TIAM1: variants seen among roughly 807,000 people sequenced by gnomAD.
TIAM1 encodes the protein rho guanine nucleotide exchange factor TIAM1.
A neutral mutation model predicts 163.5 loss-of-function variants in TIAM1; 65 were observed. The observed-to-expected ratio is 0.40, with a 90% CI of 0.33 to 0.49. TIAM1 has a LOEUF of 0.49. Ranked by LOEUF, TIAM1 falls within the 20% of genes least tolerant of loss-of-function variation. The pLI is 0.77. For missense variants in TIAM1, 1,789 were observed against 2,044.7 expected (o/e 0.87, Z 2.41); for synonymous variants, 833 against 810.1 (o/e 1.03, Z -0.48).
At chr21:31,350,990 G>A (rs976994378) in intron 2 of TIAM1, among the ~76,000 whole-genome samples, 26 of 152,172 alleles carry the variant, frequency 1.7e-4, no homozygotes, top group African/African-American at 5.3e-4. Context: ...CTAGGGAAAC[G>A]TGTTGATGAG....
intron 2 of TIAM1, among the ~76,000 whole-genome samples, chr21:31,299,770 A>C (rs757712489): frequency 8.5e-5 from 13 of 152,162 alleles, no homozygotes; most frequent in Non-Finnish European, 4.4e-5. Flanking sequence ...TGACAGTGGA[A>C]AGTCATTTCA....
chr21:31,207,792 G>A (rs1053268456), intron 11 of TIAM1, among the ~76,000 whole-genome samples: 5 of 152,192 alleles, frequency 3.3e-5, no homozygotes, highest in African/African-American at 7.2e-5. Context: ...GTTTTGCCAT[G>A]TTGGCCAGGC....
At chr21:31,453,952 A>T (rs114949406) in intron 2 of TIAM1, among the ~76,000 whole-genome samples, 2,725 of 152,116 alleles carry the variant, frequency 0.018, 78 homozygotes, top group African/African-American at 0.062. Flanking sequence ...ACGAGCTGTT[A>T]TTACCTCTTC....
chr21:31,306,988 A>G (rs1462743059), intron 2 of TIAM1, among the ~76,000 whole-genome samples: 2 of 152,184 alleles, frequency 1.3e-5, no homozygotes, highest in Non-Finnish European at 2.9e-5. Context: ...TGATTTAGAG[A>G]AAATAAAATT....
intron 2 of TIAM1, among the ~76,000 whole-genome samples, chr21:31,402,387 G>C (rs1332827504): frequency 6.6e-6 from 1 of 152,136 alleles, no homozygotes; most frequent in Non-Finnish European, 1.5e-5. Flanking sequence ...CAGTCTGCAA[G>C]TAGGAACAAG....
intron 2 of TIAM1, chr21:31,453,174 T>TA: frequency 3.7e-6 from 1 of 269,626 alleles, no homozygotes. Context: ...ACAGTGGTGT[T>TA]ACGGCGGTGG....
intron 2 of TIAM1, among the ~76,000 whole-genome samples, chr21:31,305,361 C>A (rs575733367): frequency 2.0e-5 from 3 of 150,532 alleles, no homozygotes; most frequent in Admixed American, 6.6e-5. Context: ...CAGGACTCAG[C>A]AGCAAGGGGG....
At chr21:31,277,245 C>A (rs549101412) in intron 2 of TIAM1, among the ~76,000 whole-genome samples, 10 of 152,314 alleles carry the variant, frequency 6.6e-5, no homozygotes, top group African/African-American at 2.2e-4. Context: ...AAACCAAGAT[C>A]GTGACAAGAG....
rs144630314 is a variant in TIAM1 at position 31,201,864 on chromosome 21, C to T, written c.2493+1044G>A. Among the ~76,000 whole-genome samples the T allele has an allele frequency of 2.7e-3, 410 of 152,266 alleles. 4 individuals are homozygous for T. Among genetic ancestry groups the T allele is most frequent in the African/African-American group, 9.7e-3 (401 of 41,540 alleles). ...GTTTCTTTCCTGGAACTGACAAACG[C>T]ACCACTTTGCTAAAGAGCAAAGAGC... On this transcript the variant is annotated intron_variant, in intron 12 of 27. Transcript: ENST00000541036.
intron 2 of TIAM1, among the ~76,000 whole-genome samples, chr21:31,402,536 C>T (rs117778057): frequency 0.014 from 2,115 of 152,290 alleles, 53 homozygotes; most frequent in Non-Finnish European, 0.014. Flanking sequence ...TTTCCCATAT[C>T]CCTTCAGTAA....
At chr21:31,407,629 ATTTTT>A (rs562921160) in intron 2 of TIAM1, among the ~76,000 whole-genome samples, 99 of 94,088 alleles carry the variant, frequency 1.1e-3, no homozygotes, top group African/African-American at 1.4e-3. Context: ...TTTGCTCTTA[ATTTTT>A]TTTTTTTTTT....
intron 1 of TIAM1, among the ~76,000 whole-genome samples, chr21:31,543,429 G>C (rs1425813851): frequency 6.6e-6 from 1 of 152,188 alleles, no homozygotes; most frequent in African/African-American, 2.4e-5. Flanking sequence ...AGATGAATGT[G>C]GCTGAGACCT....
At chr21:31,145,548 T>C (rs1227328859) in intron 20 of TIAM1, among the ~76,000 whole-genome samples, 10 of 152,222 alleles carry the variant, frequency 6.6e-5, no homozygotes, top group Admixed American at 6.5e-4. Context: ...TGCTGAACTA[T>C]GGCGACATAA....
chr21:31,201,953 T>A (rs1569016498), intron 12 of TIAM1, among the ~76,000 whole-genome samples: 1 of 152,214 alleles, frequency 6.6e-6, no homozygotes. Flanking sequence ...TTATCTCTAA[T>A]CTTTGTAAAA....
intron 2 of TIAM1, among the ~76,000 whole-genome samples, chr21:31,425,556 C>T (rs1301192526): frequency 2.0e-5 from 3 of 151,048 alleles, no homozygotes; most frequent in South Asian, 2.1e-4. Context: ...TTCTAACAAA[C>T]TCCTACATGA....
intron 1 of TIAM1, among the ~76,000 whole-genome samples, chr21:31,530,013 C>T (rs951285440): frequency 1.3e-5 from 2 of 152,148 alleles, no homozygotes; most frequent in Non-Finnish European, 2.9e-5. Flanking sequence ...TCTACTAACA[C>T]GTTGGAAGGC....
At chr21:31,470,659 T>A (rs562850310) in intron 1 of TIAM1, among the ~76,000 whole-genome samples, 1 of 152,252 alleles carries the variant, frequency 6.6e-6, no homozygotes, top group South Asian at 2.1e-4. Context: ...TACACAAAAT[T>A]GTGTGTATGT....
intron 22 of TIAM1, among the ~76,000 whole-genome samples, chr21:31,137,492 C>T (rs2082667653): frequency 6.6e-6 from 1 of 152,010 alleles, no homozygotes; most frequent in Non-Finnish European, 1.5e-5. Context: ...CCCGAAGACC[C>T]ACATAGAAGA....
chr21:31,291,671 C>T (rs868032409), intron 2 of TIAM1, among the ~76,000 whole-genome samples: 1 of 152,208 alleles, frequency 6.6e-6, no homozygotes, highest in Non-Finnish European at 1.5e-5. Context: ...TGCAGGCATG[C>T]GCTACAACAC....
Sources: allele counts gnomAD v4.1 joint callset (sites outside exome capture counted in the v4.1 genomes callset), GRCh38; gene constraint gnomAD v4.1.1; transcripts MANE v1.5; gene names NCBI Gene and HGNC (gene_info 2026-07-23, HGNC 2026-07-21).